The following WDPCP variants were observed in gnomAD, a reference collection of about 807,000 sequenced individuals.
The protein encoded by WDPCP is WD repeat-containing and planar cell polarity effector protein fritz homolog.
Under a neutral mutation model 93.1 loss-of-function variants are expected in WDPCP, and 71 were observed. The ratio of observed to expected loss-of-function variants is 0.76; its 90% CI spans 0.63 to 0.93. The LOEUF (loss-of-function observed/expected upper bound fraction) is 0.93. Ranked by LOEUF, WDPCP falls within the 40% of genes least tolerant of loss-of-function variation. The pLI is 0.00. For missense variants in WDPCP, 844 were observed against 887.4 expected, an observed-to-expected ratio of 0.95 and a Z score of 0.62; for synonymous variants, 315 against 315.0, an observed-to-expected ratio of 1.00 and a Z score of 0.00.
chr2:63,419,339 A>G (rs756922500), intron 9 of WDPCP, among the ~76,000 whole-genome samples: 60 of 152,118 alleles, frequency 3.9e-4, no homozygotes, highest in Non-Finnish European at 7.2e-4. Context: ...ACGGGGTTTC[A>G]TCATCTTGGC....
intron 12 of WDPCP, among the ~76,000 whole-genome samples, chr2:63,349,356 G>A (rs1379253100): frequency 6.6e-6 from 1 of 151,822 alleles, no homozygotes; most frequent in Non-Finnish European, 1.5e-5. Flanking sequence ...AAGTCATAAA[G>A]TACTAAAAAT....
chr2:63,735,394 G>A (rs1390429703), intron 2 of WDPCP, among the ~76,000 whole-genome samples: 1 of 152,134 alleles, frequency 6.6e-6, no homozygotes, highest in Non-Finnish European at 1.5e-5. Flanking sequence ...CAAAATCAGA[G>A]CATTTCTGGG....
chr2:63,241,356 C>T (rs1395925330), intron 14 of WDPCP, among the ~76,000 whole-genome samples: 4 of 152,050 alleles, frequency 2.6e-5, no homozygotes, highest in Non-Finnish European at 5.9e-5. Context: ...AGTAGATTGG[C>T]AGGAATATAC....
rs1419825905 is a variant in WDPCP at position 63,688,798 on chromosome 2, T to C, written n.309-37960A>G. On this transcript the variant is annotated intron_variant and non_coding_transcript_variant, in intron 2 of 4. Transcript: ENST00000467687. ...AAATTAAAAATTAAAAAAAAATTCA[T>C]GTTGAAATTTGATTGCCAATATAAT... is the stretch of plus-strand genomic sequence containing the variant. Among the ~76,000 whole-genome samples, 3 of 152,222 alleles carry C rather than the reference T, an allele frequency of 2.0e-5. No homozygotes were observed. In the East Asian group the frequency reaches 5.8e-4, roughly 29 times the overall value.
At chr2:63,333,530 A>G (rs1334102065) in intron 12 of WDPCP, among the ~76,000 whole-genome samples, 1 of 152,204 alleles carries the variant, frequency 6.6e-6, no homozygotes, top group Non-Finnish European at 1.5e-5. Context: ...CCGCTACACA[A>G]TAAAACTTGG....
chr2:63,527,826 A>G (rs1703466664), intron 1 of WDPCP, among the ~76,000 whole-genome samples: 1 of 152,114 alleles, frequency 6.6e-6, no homozygotes, highest in South Asian at 2.1e-4. Context: ...ACTAGTTTAC[A>G]TTCCCACCAA....
chr2:63,812,522 C>T lies in WDPCP; in HGVS notation n.308+1100G>A, dbSNP rs540243090. 9.8e-5 allele frequency among the ~76,000 whole-genome samples: 15 copies of T among 152,322 alleles called. No homozygotes were observed. In the South Asian group the frequency reaches 2.1e-3, roughly 21 times the overall value. ...CACAGTAGCTGAACTAATTTACATT[C>T]CCACCAACAGTGTATAAGCATTCCC... On this transcript the variant is annotated intron_variant and non_coding_transcript_variant, in intron 2 of 4. Coordinates refer to the WDPCP transcript ENST00000467687.
At chr2:63,684,413 C>A in intron 2 of WDPCP, 1 of 831,400 alleles carries the variant, frequency 1.2e-6, no homozygotes, top group South Asian at 1.4e-5. Flanking sequence ...CCTCAGATCG[C>A]CCCTACAGCC....
chr2:63,347,474 A>G (rs1689267754), intron 12 of WDPCP, among the ~76,000 whole-genome samples: 1 of 152,192 alleles, frequency 6.6e-6, no homozygotes, highest in South Asian at 2.1e-4. Flanking sequence ...ATAGTAGGAC[A>G]TGGAGCCTGG....
intron 6 of WDPCP, among the ~76,000 whole-genome samples, chr2:63,483,241 C>T (rs1272202425): frequency 1.3e-5 from 2 of 151,764 alleles, no homozygotes; most frequent in African/African-American, 2.4e-5. Flanking sequence ...CTGTTTTTAA[C>T]GTGAGTAATG....
intron 10 of WDPCP, among the ~76,000 whole-genome samples, chr2:63,392,091 A>C (rs1477283024): frequency 1.3e-5 from 2 of 152,186 alleles, no homozygotes; most frequent in Non-Finnish European, 2.9e-5. Context: ...AATCCTAAGC[A>C]AAAAGAACAA....
At chr2:63,804,352 C>T (rs1411870428) in intron 2 of WDPCP, among the ~76,000 whole-genome samples, 9 of 151,394 alleles carry the variant, frequency 5.9e-5, no homozygotes, top group Non-Finnish European at 1.3e-4. Context: ...CCCGGGTTCA[C>T]GCCATTCTCC....
chr2:63,347,624 C>T (rs1472470083), intron 12 of WDPCP, among the ~76,000 whole-genome samples: 1 of 151,984 alleles, frequency 6.6e-6, no homozygotes, highest in Non-Finnish European at 1.5e-5. Context: ...TTAGAAATGC[C>T]ATGTTGTAGT....
chr2:63,221,953 AG>A (rs1458848655), intron 14 of WDPCP, among the ~76,000 whole-genome samples: 1 of 152,156 alleles, frequency 6.6e-6, no homozygotes, highest in Non-Finnish European at 1.5e-5. Context: ...ATCTTTGAGG[AG>A]GGGTGCGGGC....
intron 15 of WDPCP, among the ~76,000 whole-genome samples, chr2:63,160,072 A>C (rs1672541145): frequency 6.6e-6 from 1 of 152,118 alleles, no homozygotes; most frequent in Non-Finnish European, 1.5e-5. Flanking sequence ...AGGCACCTTA[A>C]GTTCTTGTCT....
intron 1 of WDPCP, among the ~76,000 whole-genome samples, chr2:63,543,081 C>T (rs1704866358): frequency 6.6e-6 from 1 of 151,990 alleles, no homozygotes; most frequent in East Asian, 1.9e-4. Context: ...AAACATAAAT[C>T]TAGATTTCCA....
upstream of WDPCP, among the ~76,000 whole-genome samples, chr2:63,831,538 T>A (rs771283495): frequency 5.3e-5 from 8 of 152,190 alleles, no homozygotes; most frequent in African/African-American, 1.4e-4. Context: ...TATCCTTTTA[T>A]ATTGATGCTA....
intron 6 of WDPCP, among the ~76,000 whole-genome samples, chr2:63,453,037 G>C (rs1420735344): frequency 1.3e-5 from 2 of 152,146 alleles, no homozygotes; most frequent in Admixed American, 1.3e-4. Flanking sequence ...GCATGGACAA[G>C]GACTTCATGT....
At chr2:63,263,702 G>A (rs1166450559) in intron 13 of WDPCP, among the ~76,000 whole-genome samples, 2 of 152,060 alleles carry the variant, frequency 1.3e-5, no homozygotes, top group Non-Finnish European at 1.5e-5. Flanking sequence ...CCACTTGGCT[G>A]TATATTTCAT....
Sources: gnomAD v4.1 joint callset for allele counts (sites outside exome capture counted in the v4.1 genomes callset) on GRCh38, gnomAD v4.1.1 for gene constraint, MANE v1.5 for transcripts, NCBI Gene and HGNC (gene_info 2026-07-23, HGNC 2026-07-21) for gene names.